Variants in SCHIP1 observed in about 807,000 individuals in gnomAD.
The protein encoded by SCHIP1 is schwannomin interacting protein 1.
In SCHIP1, 8 loss-of-function variants were observed where a neutral mutation model predicts 29.7. That is an observed-to-expected ratio of 0.27 (90% CI 0.16 to 0.49). SCHIP1 has a LOEUF of 0.49. Ranked by LOEUF, SCHIP1 falls within the 20% of genes least tolerant of loss-of-function variation. The pLI, the probability that SCHIP1 is intolerant of heterozygous loss-of-function variation, is 0.99. For missense variants in SCHIP1, 193 were observed against 294.6 expected (o/e 0.66, Z 2.52); for synonymous variants, 76 against 94.9 (o/e 0.80, Z 1.16).
the SCHIP1 span, among the ~76,000 whole-genome samples, chr3:159,445,881 T>C: frequency 5.4e-5 from 3 of 55,834 alleles, no homozygotes; most frequent in African/African-American, 7.4e-5. Context: ...TGTTGTGGGG[T>C]GGGGGGAGGG....
At chr3:159,607,169 T>C in the SCHIP1 span, among the ~76,000 whole-genome samples, 1 of 152,210 alleles carries the variant, frequency 6.6e-6, no homozygotes. Flanking sequence ...AGTGCTGATA[T>C]ATGAATTAAA....
the SCHIP1 span, among the ~76,000 whole-genome samples, chr3:159,352,537 C>T: frequency 6.6e-6 from 1 of 152,116 alleles, no homozygotes; most frequent in Admixed American, 6.5e-5. Flanking sequence ...CAACTTTAAT[C>T]GGATTTCACC....
chr3:159,558,092 T>G, the SCHIP1 span, among the ~76,000 whole-genome samples: 6 of 152,096 alleles, frequency 3.9e-5, no homozygotes, highest in Non-Finnish European at 8.8e-5. Flanking sequence ...TCTGGGATGC[T>G]CATGTAGGAA....
At chr3:159,408,965 A>G in the SCHIP1 span, among the ~76,000 whole-genome samples, 1 of 152,222 alleles carries the variant, frequency 6.6e-6, no homozygotes, top group Non-Finnish European at 1.5e-5. Context: ...TATCCCAGAG[A>G]TGCAAGGACA....
At chr3:159,598,196 C>A in the SCHIP1 span, among the ~76,000 whole-genome samples, 2 of 152,140 alleles carry the variant, frequency 1.3e-5, no homozygotes, top group African/African-American at 4.8e-5. Flanking sequence ...CTGCCCCTGG[C>A]CTCTCCCAAA....
the SCHIP1 span, among the ~76,000 whole-genome samples, chr3:159,353,957 G>T: frequency 3.3e-5 from 5 of 152,030 alleles, no homozygotes; most frequent in African/African-American, 1.2e-4. Flanking sequence ...TTTAATTTAG[G>T]ATAAATTTTA....
At chr3:159,486,465 A>G in the SCHIP1 span, among the ~76,000 whole-genome samples, 3 of 152,140 alleles carry the variant, frequency 2.0e-5, no homozygotes, top group East Asian at 5.8e-4. Context: ...AAATGGGAAG[A>G]TTTCCTTCTT....
chr3:159,495,419 C>T, the SCHIP1 span, among the ~76,000 whole-genome samples: 1 of 152,302 alleles, frequency 6.6e-6, no homozygotes, highest in East Asian at 1.9e-4. Context: ...TCTCAGGATA[C>T]AAAATCAATG....
chr3:159,299,512 A>G, the SCHIP1 span, among the ~76,000 whole-genome samples: 2 of 152,224 alleles, frequency 1.3e-5, no homozygotes, highest in Admixed American at 6.5e-5. Context: ...AACCAAGGTG[A>G]CATAGGCATT....
the SCHIP1 span, chr3:159,764,928 A>G: frequency 6.6e-7 from 1 of 1,510,456 alleles, no homozygotes; most frequent in South Asian, 1.3e-5. The surrounding 1 kb of genome is among the most constrained non-coding windows in gnomAD (Gnocchi z 6.1). Context: ...GGGCGATCCA[A>G]AAGCCCCAGC....
At chr3:159,653,102 G>A in the SCHIP1 span, among the ~76,000 whole-genome samples, 1 of 152,216 alleles carries the variant, frequency 6.6e-6, no homozygotes, top group Non-Finnish European at 1.5e-5. Context: ...ATGCTGGCAA[G>A]GCTGTGGAGA....
chr3:159,576,465 T>C, the SCHIP1 span, among the ~76,000 whole-genome samples: 1 of 152,234 alleles, frequency 6.6e-6, no homozygotes, highest in Non-Finnish European at 1.5e-5. Flanking sequence ...CTTTAATGTA[T>C]CTACCTATGG....
the SCHIP1 span, among the ~76,000 whole-genome samples, chr3:159,591,558 C>A: frequency 6.6e-6 from 1 of 152,100 alleles, no homozygotes; most frequent in Admixed American, 6.6e-5. Flanking sequence ...GAAAATGTGG[C>A]ACATATATGC....
At chr3:159,333,138 T>G in the SCHIP1 span, among the ~76,000 whole-genome samples, 1 of 152,222 alleles carries the variant, frequency 6.6e-6, no homozygotes, top group Non-Finnish European at 1.5e-5. Context: ...TAACAAAAGG[T>G]TATTTTTTTA....
the SCHIP1 span, among the ~76,000 whole-genome samples, chr3:159,368,294 T>C: frequency 6.6e-6 from 1 of 152,236 alleles, no homozygotes; most frequent in Non-Finnish European, 1.5e-5. Flanking sequence ...TCTTCTTCCT[T>C]GACTAAACTG....
At chr3:159,609,244 C>T in the SCHIP1 span, among the ~76,000 whole-genome samples, 38 of 152,124 alleles carry the variant, frequency 2.5e-4, no homozygotes, top group African/African-American at 8.4e-4. Context: ...GAGGAACCAA[C>T]TAGGTGGGTA....
the SCHIP1 span, among the ~76,000 whole-genome samples, chr3:159,743,429 C>A: frequency 4.4e-4 from 67 of 152,152 alleles, no homozygotes; most frequent in Non-Finnish European, 8.1e-4. Flanking sequence ...TAACAACAAC[C>A]TGGATGAATC....
At chr3:159,465,454 G>C in the SCHIP1 span, among the ~76,000 whole-genome samples, 6 of 151,926 alleles carry the variant, frequency 3.9e-5, no homozygotes, top group African/African-American at 1.2e-4. Context: ...AATTTTTATT[G>C]AATTGTTGTG....
At chr3:159,317,143 A>G in the SCHIP1 span, among the ~76,000 whole-genome samples, 4 of 152,298 alleles carry the variant, frequency 2.6e-5, no homozygotes, top group African/African-American at 9.6e-5. Context: ...AGACGCCCTA[A>G]TGGATCTCCT....
Sources: allele counts gnomAD v4.1 joint callset (sites outside exome capture counted in the v4.1 genomes callset), GRCh38; gene constraint gnomAD v4.1.1; non-coding constraint Gnocchi (gnomAD v3.1); transcripts MANE v1.5; gene names NCBI Gene and HGNC (gene_info 2026-07-23, HGNC 2026-07-21).